Variants in PLG observed in about 807,000 individuals in gnomAD.
PLG encodes plasmin.
Under a neutral mutation model 104.4 loss-of-function variants are expected in PLG, and 41 were observed. The observed-to-expected ratio is 0.39, with a 90% CI of 0.31 to 0.51. PLG has a LOEUF of 0.51. Among genes scored for constraint, PLG ranks in the 20% least tolerant of loss-of-function variants. The pLI is 0.76. For missense variants in PLG, 891 were observed against 1,003.6 expected, an observed-to-expected ratio of 0.89 and a Z score of 1.52; for synonymous variants, 337 against 357.1, an observed-to-expected ratio of 0.94 and a Z score of 0.63.
intron 17 of PLG, among the ~76,000 whole-genome samples, chr6:160,742,493 TG>T (rs1223321073): frequency 1.3e-5 from 2 of 150,366 alleles, no homozygotes; most frequent in Non-Finnish European, 3.0e-5. Context: ...CATTTTTTAA[TG>T]GGGTTTTTTT....
At chr6:160,747,470 G>T (rs1778295816) in intron 17 of PLG, among the ~76,000 whole-genome samples, 1 of 152,204 alleles carries the variant, frequency 6.6e-6, no homozygotes, top group African/African-American at 2.4e-5. Context: ...AGCCCTGGAA[G>T]TGTGTTCTGA....
In PLG at chr6:160,735,865, G is replaced by C. The variant is rs980267878; in HGVS notation, c.1682-1022G>C. Among the ~76,000 whole-genome samples, 4 of 152,170 alleles carry C rather than the reference G, an allele frequency of 2.6e-5. No individual in the cohort carries two copies. Among genetic ancestry groups the C allele is most frequent in the African/African-American group, 9.7e-5 (4 of 41,436 alleles). ...AGAAATTGAGCTCAGCACTAGAGAA[G>C]ATGATTGCATTCTATGCCTTGCTTC... On this transcript the variant is annotated intron_variant, in intron 13 of 18. Coordinates refer to ENST00000308192, the MANE Select transcript of PLG (RefSeq NM_000301.5). The surrounding 1 kb of genome is among the most constrained non-coding windows in gnomAD (Gnocchi z 5.4).
At chr6:160,708,331 G>T (rs1777570756) in intron 3 of PLG, 2 of 152,852 alleles carry the variant, frequency 1.3e-5, no homozygotes, top group African/African-American at 2.4e-5. Context: ...CTGAAATGTT[G>T]TCTTTTAAAA....
chr6:160,711,351 T>C lies in PLG; in HGVS notation c.407+160T>C, dbSNP rs568970479. ...ATTTGCATATAACCTACATACCTTC[T>C]CTTGTATAATCCCTAATATAATGTA... On this transcript the variant is annotated intron_variant, in intron 4 of 18. Transcript: ENST00000308192. The C allele has an allele frequency of 6.5e-5, 47 of 717,756 alleles. No homozygotes were observed. The South Asian group carries it at 8.4e-4, about 13-fold the overall frequency. 44.5% of individuals were successfully genotyped at this position (717,756 alleles called of 1,614,324 possible). A position where few individuals can be genotyped will look rare whatever the true frequency, so the allele number is the denominator to read the frequency against.
At chr6:160,711,764 G>A (rs1777646644) in intron 4 of PLG, 1 of 1,599,150 alleles carries the variant, frequency 6.3e-7, no homozygotes, top group African/African-American at 1.4e-5. Context: ...AAAGATCAAA[G>A]ATGACTATGT....
intron 9 of PLG, 119 bp downstream of exon 9, chr6:160,718,957 C>G: frequency 1.1e-6 from 1 of 900,102 alleles, no homozygotes; most frequent in Non-Finnish European, 1.8e-6. Flanking sequence ...GGTCAGAAAG[C>G]CTGCCCTTAT....
Position 160,734,163 on chromosome 6 carries a change from G to T in PLG, c.1681+75G>T. 2 of 817,608 alleles carry T rather than the reference G, an allele frequency of 2.4e-6. No individual in the cohort carries two copies. Among genetic ancestry groups the T allele is most frequent in the South Asian group, 1.4e-5 (1 of 72,714 alleles). The allele number at this position is 817,608 out of a possible 1,614,324, so 50.6% of individuals were successfully genotyped here. On this transcript the variant is annotated intron_variant, in intron 13 of 18. Coordinates refer to ENST00000308192, the MANE Select transcript of PLG (RefSeq NM_000301.5). This position sits in a 1 kb window ranked among gnomAD's most constrained non-coding sequence, Gnocchi z 4.4. ...GCAACAAAAAAGGAAAAGGGCTTCTGAGCAGACTGCTTCTGGGGAGGAGAT... is the reference window on the plus strand; with the variant it reads ...GCAACAAAAAAGGAAAAGGGCTTCTTAGCAGACTGCTTCTGGGGAGGAGAT...
intron 17 of PLG, among the ~76,000 whole-genome samples, chr6:160,751,171 A>C (rs1030546934): frequency 4.6e-5 from 7 of 152,224 alleles, no homozygotes; most frequent in Admixed American, 2.0e-4. Context: ...GGAGACAGAA[A>C]TATGTCTATG....
intron 17 of PLG, among the ~76,000 whole-genome samples, chr6:160,745,484 T>C (rs890151373): frequency 6.6e-6 from 1 of 152,234 alleles, no homozygotes; most frequent in Non-Finnish European, 1.5e-5. Context: ...CTTTTTTGTC[T>C]GATTTCCATT....
At chr6:160,718,496 G>A in intron 8 of PLG, 40 bp downstream of exon 8, 1 of 1,547,154 alleles carries the variant, frequency 6.5e-7, no homozygotes, top group Non-Finnish European at 8.9e-7. Flanking sequence ...TATGGAATGT[G>A]AAATCCCATT....
intron 17 of PLG, among the ~76,000 whole-genome samples, chr6:160,750,010 C>A (rs376549416): frequency 6.6e-5 from 10 of 152,308 alleles, no homozygotes; most frequent in African/African-American, 2.4e-4. Flanking sequence ...AGTCCCACCG[C>A]CAACCACCAG....
At chr6:160,748,354 A>AAGAGAGAGAGAGAGAG (rs1181039898) in intron 17 of PLG, among the ~76,000 whole-genome samples, 1 of 31,394 alleles carries the variant, frequency 3.2e-5, no homozygotes, top group African/African-American at 1.1e-4. Flanking sequence ...AAGAAAGAGA[A>AAGAGAGAGAGAGAGAG]AGAAAGAAAG....
In PLG at chr6:160,737,323, AT is replaced by A. The variant is rs1778100652; in HGVS notation, c.1802+317del. Among the ~76,000 whole-genome samples, 1 of 152,182 alleles carries A rather than the reference AT, an allele frequency of 6.6e-6. No homozygotes were observed. The highest frequency in any genetic ancestry group is 2.4e-5 in the African/African-American group (1 of 41,440). ...GAAGATGCTCTGAGGATTTCTATGG[AT>A]ATCCATTGTCTCATTGTCAGATGAA... On this transcript the variant is annotated intron_variant, in intron 14 of 18. Coordinates refer to ENST00000308192, the MANE Select transcript of PLG (RefSeq NM_000301.5). This position sits in a 1 kb window ranked among gnomAD's most constrained non-coding sequence, Gnocchi z 4.7.
At chr6:160,711,260 G>C in intron 4 of PLG, 69 bp downstream of exon 4, 1 of 1,437,342 alleles carries the variant, frequency 7.0e-7, no homozygotes, top group Non-Finnish European at 9.7e-7. Flanking sequence ...GTGAGGGATT[G>C]GTTCCAGGAC....
At chr6:160,705,229 A>G (rs566764984) in intron 1 of PLG, among the ~76,000 whole-genome samples, 65 of 152,352 alleles carry the variant, frequency 4.3e-4, no homozygotes, top group Non-Finnish European at 8.2e-4. Flanking sequence ...TGGCATCTCC[A>G]GGCTTGGAAT....
intron 12 of PLG, among the ~76,000 whole-genome samples, chr6:160,733,096 C>G (rs1180942924): frequency 6.6e-6 from 1 of 152,154 alleles, no homozygotes; most frequent in Non-Finnish European, 1.5e-5. Flanking sequence ...ACAAAAGATG[C>G]TCCCTTCACT....
chr6:160,742,509 T>C (rs1476593271), intron 17 of PLG, among the ~76,000 whole-genome samples: 2 of 152,024 alleles, frequency 1.3e-5, no homozygotes, highest in Admixed American at 1.3e-4. Context: ...TTTTTTTTTC[T>C]TGTAAATTTG....
At position 160,726,427 on chromosome 6, in the gene PLG, T is replaced by C. The variant is rs1777923223; in HGVS notation, c.1256+3860T>C. Among the ~76,000 whole-genome samples the C allele has an allele frequency of 6.6e-6, 1 of 152,086 alleles. No homozygotes were observed. Among genetic ancestry groups the C allele is most frequent in the Admixed American group, 6.5e-5 (1 of 15,278 alleles). On this transcript the variant is annotated intron_variant, in intron 10 of 18. Coordinates refer to ENST00000308192, the MANE Select transcript of PLG (RefSeq NM_000301.5). The surrounding 1 kb of genome is among the most constrained non-coding windows in gnomAD (Gnocchi z 4.4). ...ATCAAAGTTCGTATGATGCAGCGAA[T>C]GTTTTTAGGGTTTTATAACTTTAAA...
chr6:160,702,904 C>G (rs1252540331), intron 1 of PLG, among the ~76,000 whole-genome samples: 2 of 151,812 alleles, frequency 1.3e-5, no homozygotes, highest in Non-Finnish European at 2.9e-5. Context: ...ATCCATTTGC[C>G]AGATGCTGTG....
Sources: allele counts gnomAD v4.1 joint callset (sites outside exome capture counted in the v4.1 genomes callset), GRCh38; gene constraint gnomAD v4.1.1; non-coding constraint Gnocchi (gnomAD v3.1); transcripts MANE v1.5; gene names NCBI Gene and HGNC (gene_info 2026-07-23, HGNC 2026-07-21).